The following JRK variants were observed in gnomAD, a reference collection of about 807,000 sequenced individuals.
The protein encoded by JRK is Jrk helix-turn-helix protein, also known as jerky protein homolog.
For missense variants in JRK, 720 were observed against 509.2 expected (o/e 1.41, Z -3.98); for synonymous variants, 303 against 218.1 (o/e 1.39, Z -3.43).
At position 142,658,706 on chromosome 8, in the gene JRK, A is replaced by ATATAT; in HGVS notation, c.*5645_*5646insATATA. The ATATAT allele has an allele frequency of 7.3e-7, 1 of 1,378,886 alleles. No individual in the cohort carries two copies. The highest frequency in any genetic ancestry group is 9.5e-7 in the Non-Finnish European group (1 of 1,048,740). The allele number at this position is 1,378,886 out of a possible 1,614,324, so 85.4% of individuals were successfully genotyped here. A position where few individuals can be genotyped will look rare whatever the true frequency, so the allele number is the denominator to read the frequency against. Reference sequence around the variant, plus strand: ...TGGGGGTCAGGGTTTCAACATATAAACTTTGGGGGGGGACACAAACATGCA... The same window carrying ATATAT: ...TGGGGGTCAGGGTTTCAACATATAAATATATCTTTGGGGGGGGACACAAACATGCA... On this transcript the variant is annotated 3_prime_UTR_variant, in exon 2 of 2. Transcript: ENST00000612905.
the JRK span, among the ~76,000 whole-genome samples, chr8:142,647,313 G>A: frequency 6.6e-6 from 1 of 151,896 alleles, no homozygotes; most frequent in Non-Finnish European, 1.5e-5. Flanking sequence ...AAAATGAAGG[G>A]GAGGCAGCGG....
the JRK span, among the ~76,000 whole-genome samples, chr8:142,645,346 A>C: frequency 6.6e-6 from 1 of 152,192 alleles, no homozygotes; most frequent in Non-Finnish European, 1.5e-5. Flanking sequence ...ATAATAGTGT[A>C]ACAACTTGAT....
chr8:142,665,483 G>A lies in JRK; in HGVS notation c.576C>T (p.Phe192=), dbSNP rs1463017503. The change falls in exon 2 of 2, where the codon TTC becomes TTT. Residue 192 remains phenylalanine (F), a synonymous_variant. Transcript: ENST00000612905. Reference sequence around the variant, plus strand: ...GAGTGGGATTTGGCAGGCACCGCCAGAAAAGGCCGGTCTCATCAGCGTTGT... The same window carrying A: ...GAGTGGGATTTGGCAGGCACCGCCAAAAAAGGCCGGTCTCATCAGCGTTGT... ...QVYNADETGL[F]WRCLPNPTPE... is the part of the protein sequence containing the mutation. 5.6e-6 allele frequency: 4 copies of A among 717,986 alleles called. No individual in the cohort carries two copies. Among genetic ancestry groups the A allele is most frequent in the African/African-American group, 5.2e-5 (3 of 57,288 alleles). 44.5% of individuals were successfully genotyped at this position (717,986 alleles called of 1,614,324 possible).
rs782288496 is a variant in JRK at position 142,665,384 on chromosome 8, C to T, written c.675G>A (p.Thr225=). The change falls in exon 2 of 2, where the codon ACG becomes ACA. Residue 225 remains threonine, a synonymous_variant. Coordinates refer to ENST00000612905, the MANE Select transcript of JRK (RefSeq NM_003724.4). ...CCAAGGGCTTGAGCCTGTGGGAGCC[C>T]GTGGCGTTGGCACACATCAGCACGG... The part of the protein sequence containing the change: ...RLTVLMCANA[T]GSHRLKPLAI... 22 of 717,512 alleles carry T rather than the reference C, an allele frequency of 3.1e-5. No individual in the cohort carries two copies. The highest frequency in any genetic ancestry group is 3.9e-5 in the Non-Finnish European group (15 of 385,098). The allele number at this position is 717,512 out of a possible 1,614,324, so 44.4% of individuals were successfully genotyped here.
chr8:142,649,466 CAT>C, the JRK span, among the ~76,000 whole-genome samples: 28 of 152,358 alleles, frequency 1.8e-4, no homozygotes, highest in African/African-American at 6.7e-4. Context: ...TTCCCCTGCA[CAT>C]GTTATCTTTC....
chr8:142,661,411 C>A lies in JRK; in HGVS notation c.*2941G>T. On this transcript the variant is annotated 3_prime_UTR_variant, in exon 2 of 2. Transcript: ENST00000612905. ...CCTGTCCCGAGTGAGGACACAGGAG[C>A]GCCCTCAGGCCTGAGCACTCAGGGG... 1.0e-6 allele frequency: 1 copy of A among 985,420 alleles called. No individual in the cohort carries two copies. The highest frequency in any genetic ancestry group is 5.2e-4 in the Middle Eastern group (1 of 1,914). 61.0% of individuals were successfully genotyped at this position (985,420 alleles called of 1,614,324 possible).
At chr8:142,668,103 C>T (rs1847189054) in intron 1 of JRK, among the ~76,000 whole-genome samples, 1 of 152,254 alleles carries the variant, frequency 6.6e-6, no homozygotes, top group Non-Finnish European at 1.5e-5. Context: ...CACTCCTCCG[C>T]AGGCCAGCAG....
chr8:142,655,359 C>G (rs1205075408), downstream of JRK, among the ~76,000 whole-genome samples: 1 of 152,232 alleles, frequency 6.6e-6, no homozygotes, highest in African/African-American at 2.4e-5. Flanking sequence ...CCACACGAAT[C>G]AGACATTCTT....
chr8:142,669,158 G>A (rs1167549806), intron 1 of JRK, among the ~76,000 whole-genome samples: 1 of 146,578 alleles, frequency 6.8e-6, no homozygotes, highest in African/African-American at 2.6e-5. Flanking sequence ...CCTTCGCAGG[G>A]GCATAGTGTG....
chr8:142,669,163 AGTGTGTGTGTGTGTGTGTGTGTGTGTGT>A (rs59300327), intron 1 of JRK, among the ~76,000 whole-genome samples: 1,506 of 136,210 alleles, frequency 0.011, 17 homozygotes, highest in Non-Finnish European at 0.016. Flanking sequence ...GCAGGGGCAT[AGTGTGTGTGTGTGTGTGTGTGTGTGTGT>A]GTGTGTGTGC....
At chr8:142,651,891 C>A in the JRK span, among the ~76,000 whole-genome samples, 6 of 152,118 alleles carry the variant, frequency 3.9e-5, no homozygotes, top group African/African-American at 7.2e-5. Flanking sequence ...GGAAAAAAAA[C>A]CTCATCTTCC....
rs1846972889 is a variant in JRK at position 142,663,175 on chromosome 8, C to A, written c.*1177G>T. 9 of 985,352 alleles carry A rather than the reference C, an allele frequency of 9.1e-6. No homozygotes were observed. The highest frequency in any genetic ancestry group is 1.7e-5 in the African/African-American group (1 of 57,310). 61.0% of individuals were successfully genotyped at this position (985,352 alleles called of 1,614,324 possible). ...CTCAAGAAAAGAAAAGGACAATGCACCTATTTTATGCTCGCTGAAAGACGA... is the reference window on the plus strand; with the variant it reads ...CTCAAGAAAAGAAAAGGACAATGCAACTATTTTATGCTCGCTGAAAGACGA... On this transcript the variant is annotated 3_prime_UTR_variant, in exon 2 of 2. Transcript: ENST00000612905.
At chr8:142,668,183 C>T (rs1847192380) in intron 1 of JRK, among the ~76,000 whole-genome samples, 1 of 152,256 alleles carries the variant, frequency 6.6e-6, no homozygotes, top group South Asian at 2.1e-4. Context: ...TCTGCCAACT[C>T]CATGCAGAGC....
At position 142,662,852 on chromosome 8, in the gene JRK, A is replaced by G. The variant is rs1484486353; in HGVS notation, c.*1500T>C. On this transcript the variant is annotated 3_prime_UTR_variant, in exon 2 of 2. Coordinates refer to ENST00000612905, the MANE Select transcript of JRK (RefSeq NM_003724.4). Reference sequence around the variant, plus strand: ...AGAATTCAAGGGCAAAGCACTGAAAATAACATAGCAAGAAAAACCTATTTA... The same window carrying G: ...AGAATTCAAGGGCAAAGCACTGAAAGTAACATAGCAAGAAAAACCTATTTA... The G allele has an allele frequency of 1.3e-5, 13 of 985,350 alleles. No homozygotes were observed. The highest frequency in any genetic ancestry group is 1.4e-5 in the Non-Finnish European group (12 of 829,936). The allele number at this position is 985,350 out of a possible 1,614,324, so 61.0% of individuals were successfully genotyped here. A position where few individuals can be genotyped will look rare whatever the true frequency, so the allele number is the denominator to read the frequency against.
In JRK at chr8:142,661,922, T is replaced by C. The variant is rs190225791; in HGVS notation, c.*2430A>G. 5 of 985,528 alleles carry C rather than the reference T, an allele frequency of 5.1e-6. No homozygotes were observed. Among genetic ancestry groups the C allele is most frequent in the East Asian group, 2.3e-4 (2 of 8,812 alleles). The allele number at this position is 985,528 out of a possible 1,614,324, so 61.0% of individuals were successfully genotyped here. ...GGGGACAGGACCGAGGCAAGAGGTA[T>C]GCACCAGGCAGCTGGGCCCAGCAGC... is the stretch of plus-strand genomic sequence containing the variant. On this transcript the variant is annotated 3_prime_UTR_variant, in exon 2 of 2. Coordinates refer to ENST00000612905, the MANE Select transcript of JRK (RefSeq NM_003724.4).
Position 142,661,184 on chromosome 8 carries a change from A to G in JRK, c.*3168T>C. The G allele has an allele frequency of 2.0e-6, 2 of 985,536 alleles. No homozygotes were observed. Among genetic ancestry groups the G allele is most frequent in the Non-Finnish European group, 2.4e-6 (2 of 829,996 alleles). The allele number at this position is 985,536 out of a possible 1,614,324, so 61.0% of individuals were successfully genotyped here. A position where few individuals can be genotyped will look rare whatever the true frequency, so the allele number is the denominator to read the frequency against. On this transcript the variant is annotated 3_prime_UTR_variant, in exon 2 of 2. Transcript: ENST00000612905. ...CTAGACCCTCCTATGCAGGAGACAGACAACTTCCAGGACAGCGTGCCTGGG... is the reference window on the plus strand; with the variant it reads ...CTAGACCCTCCTATGCAGGAGACAGGCAACTTCCAGGACAGCGTGCCTGGG...
chr8:142,644,426 T>C, the JRK span, among the ~76,000 whole-genome samples: 2 of 152,152 alleles, frequency 1.3e-5, no homozygotes, highest in Non-Finnish European at 2.9e-5. Flanking sequence ...ACCAATAACA[T>C]ATTTATACAA....
rs60195180 is a variant in JRK at position 142,665,303 on chromosome 8, G to A, written c.756C>T (p.Val252=). The A allele has an allele frequency of 3.8e-3, 2,738 of 717,748 alleles. 51 individuals are homozygous for A. In the African/African-American group the frequency reaches 0.042, roughly 11 times the overall value. 44.5% of individuals were successfully genotyped at this position (717,748 alleles called of 1,614,324 possible). A position where few individuals can be genotyped will look rare whatever the true frequency, so the allele number is the denominator to read the frequency against. The stretch of plus-strand genomic sequence containing the variant: ...AGGCGTTCCCCTGGGCCTTATAGGC[G>A]ACGGGCAGGTGCTGGATGCCTTTGA... ...RAFKGIQHLP[V]AYKAQGNAWV... The change falls in exon 2 of 2, where the codon GTC becomes GTT. Residue 252 remains valine, a synonymous_variant. Transcript: ENST00000612905.
chr8:142,664,385 G>A lies in JRK; in HGVS notation c.1674C>T (p.Pro558=), dbSNP rs1847015741. The A allele has an allele frequency of 6.3e-7, 1 of 1,587,448 alleles. No homozygotes were observed. The highest frequency in any genetic ancestry group is 8.6e-7 in the Non-Finnish European group (1 of 1,163,886). ...CACCTGCTGTGGATGAGCAGGGCAA[G>A]GGAGACTGAGCTGTGGCCCCACAGC... ...PGGCGATAQS[P]LPCSSTAGDN The change falls in exon 2 of 2, where the codon CCC becomes CCT. Residue 558 remains proline, a synonymous_variant. Transcript: ENST00000612905.
Sources: gnomAD v4.1 joint callset for allele counts (sites outside exome capture counted in the v4.1 genomes callset) on GRCh38, gnomAD v4.1.1 for gene constraint, MANE v1.5 for transcripts, NCBI Gene and HGNC (gene_info 2026-07-23, HGNC 2026-07-21) for gene names.